DOT1L: variants seen among roughly 807,000 people sequenced by gnomAD.
DOT1L encodes the protein histone-lysine N-methyltransferase, H3 lysine-79 specific.
In DOT1L, 33 loss-of-function variants were observed where a neutral mutation model predicts 153.3. The ratio of observed to expected loss-of-function variants is 0.22; its 90% confidence interval spans 0.16 to 0.29. DOT1L has a LOEUF of 0.29. Among genes scored for constraint, DOT1L ranks in the 10% least tolerant of loss-of-function variants. DOT1L has a pLI of 1.00. For missense variants in DOT1L, 1,847 were observed against 2,119.9 expected (o/e 0.87, Z 2.53); for synonymous variants, 1,135 against 965.1 (o/e 1.18, Z -3.26).
At chr19:2,184,051 G>T (rs979011419) in intron 2 of DOT1L, among the ~76,000 whole-genome samples, 1 of 152,198 alleles carries the variant, frequency 6.6e-6, no homozygotes, top group South Asian at 2.1e-4. Flanking sequence ...TCCTCAGCAC[G>T]CTCTGTGGCG....
chr19:2,228,457 A>AG (rs2144953235), intron 27 of DOT1L: 1 of 1,217,998 alleles, frequency 8.2e-7, no homozygotes, highest in Non-Finnish European at 1.0e-6. Flanking sequence ...AGACGGCCAC[A>AG]GGGCTCGGCA....
At position 2,190,005 on chromosome 19, in the gene DOT1L, G is replaced by A. The variant is rs569995120; in HGVS notation, c.264+210G>A. Among the ~76,000 whole-genome samples the A allele has an allele frequency of 3.9e-5, 6 of 152,300 alleles. No individual in the cohort carries two copies. In the South Asian group the frequency reaches 1.2e-3, roughly 32 times the overall value. ...TGCTGTGGCCGTGTGCCAAAGCAGA[G>A]CCGTCCGTGGTTTGTGTGCTGAGGC... On this transcript the variant is annotated intron_variant, in intron 4 of 27. Coordinates refer to ENST00000398665, the MANE Select transcript of DOT1L (RefSeq NM_032482.3). This position sits in a 1 kb window ranked among gnomAD's most constrained non-coding sequence, Gnocchi z 4.8.
chr19:2,202,156 G>C (rs919044826), intron 8 of DOT1L, among the ~76,000 whole-genome samples: 1 of 152,228 alleles, frequency 6.6e-6, no homozygotes, highest in Non-Finnish European at 1.5e-5. Flanking sequence ...CCTCGTTTGA[G>C]GATGCCTGGC....
At position 2,208,822 on chromosome 19, in the gene DOT1L, C is replaced by T; in HGVS notation, c.964-113C>T. On this transcript the variant is annotated intron_variant, in intron 11 of 27. Coordinates refer to ENST00000398665, the MANE Select transcript of DOT1L (RefSeq NM_032482.3). This position sits in a 1 kb window ranked among gnomAD's most constrained non-coding sequence, Gnocchi z 4.4. Reference sequence around the variant, plus strand: ...CTGCATGCCTGCTGTCCCCAGATACCAGAACAGCCTCCCCAGCCACTGTCC... The same window carrying T: ...CTGCATGCCTGCTGTCCCCAGATACTAGAACAGCCTCCCCAGCCACTGTCC... 1 of 1,118,946 alleles carries T rather than the reference C, an allele frequency of 8.9e-7. No homozygotes were observed. Among genetic ancestry groups the T allele is most frequent in the East Asian group, 2.4e-5 (1 of 41,018 alleles). 69.3% of individuals were successfully genotyped at this position (1,118,946 alleles called of 1,614,324 possible).
Position 2,196,332 on chromosome 19 carries a change from AT to A in DOT1L, c.651+1763del, listed in dbSNP as rs1183292430. On this transcript the variant is annotated intron_variant, in intron 7 of 27. Coordinates refer to ENST00000398665, the MANE Select transcript of DOT1L (RefSeq NM_032482.3). ...CACTTGAGCCCAGGAGTTCGGACAC[AT>A]TTTTTTTGTGCATGTGTGAAAGAAA... 2.8e-4 allele frequency among the ~76,000 whole-genome samples: 42 copies of A among 152,064 alleles called. No homozygotes were observed. In the East Asian group the frequency reaches 8.1e-3, roughly 29 times the overall value.
intron 1 of DOT1L, among the ~76,000 whole-genome samples, chr19:2,172,813 C>G (rs954770309): frequency 1.3e-5 from 2 of 151,144 alleles, no homozygotes; most frequent in African/African-American, 4.8e-5. Context: ...TATTTTTCCT[C>G]TTTTTTTTGA....
intron 1 of DOT1L, among the ~76,000 whole-genome samples, chr19:2,172,100 C>A (rs1420853713): frequency 6.6e-6 from 1 of 152,218 alleles, no homozygotes; most frequent in African/African-American, 2.4e-5. Context: ...GTGACTGAAA[C>A]TCACTTGGAG....
In DOT1L at chr19:2,193,655, CTG is replaced by C; in HGVS notation, c.494-29_494-28del. On this transcript the variant is annotated intron_variant, in intron 5 of 27. Transcript: ENST00000398665. This position sits in a 1 kb window ranked among gnomAD's most constrained non-coding sequence, Gnocchi z 5.9. Reference sequence around the variant, plus strand: ...CGGCCTCCCGGGTGGCATCTGAGCGCTGTGTGGTATCTGATGGATCTCTCTGA... The same window carrying C: ...CGGCCTCCCGGGTGGCATCTGAGCGCTGTGGTATCTGATGGATCTCTCTGA... 6.2e-7 allele frequency: 1 copy of C among 1,607,196 alleles called. No homozygotes were observed. The highest frequency in any genetic ancestry group is 8.5e-7 in the Non-Finnish European group (1 of 1,174,342).
chr19:2,204,430 G>A lies in DOT1L; in HGVS notation c.787+1651G>A, dbSNP rs1041202568. Among the ~76,000 whole-genome samples the A allele has an allele frequency of 2.6e-5, 4 of 151,994 alleles. No individual in the cohort carries two copies. Among genetic ancestry groups the A allele is most frequent in the Non-Finnish European group, 4.4e-5 (3 of 67,990 alleles). The stretch of plus-strand genomic sequence containing the variant: ...CCACGTGAGGACACCATGCTTCCCC[G>A]CCCAGTCGCCCCCACACCCCAGCAG... On this transcript the variant is annotated intron_variant, in intron 9 of 27. Transcript: ENST00000398665. The surrounding 1 kb of genome is among the most constrained non-coding windows in gnomAD (Gnocchi z 5.7).
At chr19:2,181,613 A>G (rs2022235355) in intron 2 of DOT1L, among the ~76,000 whole-genome samples, 1 of 152,154 alleles carries the variant, frequency 6.6e-6, no homozygotes, top group South Asian at 2.1e-4. Flanking sequence ...CGTGCTTAGA[A>G]TGTGGGATCT....
rs555347620 is a variant in DOT1L, at chr19:2,207,476, T to C, written c.857-98T>C. 17 of 1,017,840 alleles carry C rather than the reference T, an allele frequency of 1.7e-5. No homozygotes were observed. The East Asian group carries it at 3.9e-4, about 23-fold the overall frequency. The allele number at this position is 1,017,840 out of a possible 1,614,324, so 63.1% of individuals were successfully genotyped here. On this transcript the variant is annotated intron_variant, in intron 10 of 27. Coordinates refer to ENST00000398665, the MANE Select transcript of DOT1L (RefSeq NM_032482.3). The surrounding 1 kb of genome is among the most constrained non-coding windows in gnomAD (Gnocchi z 4.5). ...TGGGAGAAGAGGGAAGACGCGCAGC[T>C]CAGGCTTCTGTCCCCACGCCTGCCC...
rs997759569 is a variant in DOT1L at position 2,197,049 on chromosome 19, G to C, written c.651+2472G>C. The stretch of plus-strand genomic sequence containing the variant: ...GTGCGATTCTGTTTATCCAAGGTGG[G>C]ATTCTGCTGGCTGATGGGCCGCTGA... On this transcript the variant is annotated intron_variant, in intron 7 of 27. Coordinates refer to ENST00000398665, the MANE Select transcript of DOT1L (RefSeq NM_032482.3). The surrounding 1 kb of genome is among the most constrained non-coding windows in gnomAD (Gnocchi z 4.1). 5.3e-5 allele frequency among the ~76,000 whole-genome samples: 8 copies of C among 152,228 alleles called. No individual in the cohort carries two copies. Among genetic ancestry groups the C allele is most frequent in the Non-Finnish European group, 1.0e-4 (7 of 68,042 alleles).
intron 16 of DOT1L, chr19:2,212,599 G>A (rs545115519): frequency 2.0e-5 from 3 of 152,372 alleles, no homozygotes; most frequent in Non-Finnish European, 4.4e-5. Context: ...CAGCTCTTTT[G>A]CAGGCTGGTA....
intron 7 of DOT1L, among the ~76,000 whole-genome samples, chr19:2,195,358 GCTC>G (rs2022971943): frequency 6.6e-6 from 1 of 152,242 alleles, no homozygotes; most frequent in Middle Eastern, 3.4e-3. Context: ...TGACCTGTGT[GCTC>G]CTCCTCACAG....
chr19:2,229,647 C>T lies in DOT1L; in HGVS notation c.4607-138C>T, dbSNP rs1276758795. On this transcript the variant is annotated intron_variant, in intron 27 of 27. Coordinates refer to ENST00000398665, the MANE Select transcript of DOT1L (RefSeq NM_032482.3). ...CGTCTGTTGTGGTTAGAGGAGCTGG[C>T]ACTATGCCTGTCATGGTGCTGGCCC... 5.0e-6 allele frequency: 8 copies of T among 1,589,474 alleles called. No homozygotes were observed. In the Admixed American group the frequency reaches 1.0e-4, roughly 20 times the overall value.
intron 1 of DOT1L, among the ~76,000 whole-genome samples, chr19:2,180,068 T>C (rs1188330745): frequency 1.3e-5 from 2 of 152,170 alleles, no homozygotes; most frequent in Admixed American, 6.5e-5. Flanking sequence ...GGCAGGGTGC[T>C]GGACGGGGAG....
chr19:2,227,249 C>A, intron 27 of DOT1L, 122 bp downstream of exon 27: 1 of 1,281,900 alleles, frequency 7.8e-7, no homozygotes, highest in Non-Finnish European at 1.1e-6. Context: ...CTGGTGCCGG[C>A]CGGCCCCCGC....
In DOT1L at chr19:2,196,845, T is replaced by G. The variant is rs551150943; in HGVS notation, c.651+2268T>G. On this transcript the variant is annotated intron_variant, in intron 7 of 27. Coordinates refer to ENST00000398665, the MANE Select transcript of DOT1L (RefSeq NM_032482.3). The stretch of plus-strand genomic sequence containing the variant: ...CTGAGCCCCTGGCCGCGGAGCACGG[T>G]GTTAGCGGCGGGCTCGTGTGGATGC... Among the ~76,000 whole-genome samples, 10 of 152,260 alleles carry G rather than the reference T, an allele frequency of 6.6e-5. No individual in the cohort carries two copies. The East Asian group carries it at 1.7e-3, about 26-fold the overall frequency.
chr19:2,228,922 GC>G (rs1219562651), intron 27 of DOT1L: 2 of 985,296 alleles, frequency 2.0e-6, no homozygotes, highest in Admixed American at 1.2e-4. Context: ...AGCCAGTGAA[GC>G]CCCAAGTGCC....
Sources: gnomAD v4.1 joint callset for allele counts (sites outside exome capture counted in the v4.1 genomes callset) on GRCh38, gnomAD v4.1.1 for gene constraint, Gnocchi (gnomAD v3.1) non-coding constraint, MANE v1.5 for transcripts, NCBI Gene and HGNC (gene_info 2026-07-23, HGNC 2026-07-21) for gene names.